KDM4C: variants seen among roughly 807,000 people sequenced by gnomAD.
KDM4C encodes lysine-specific demethylase 4C.
In KDM4C, 81 loss-of-function variants were observed where a neutral mutation model predicts 129.3. That is an observed-to-expected ratio of 0.63 (90% CI 0.52 to 0.75). The LOEUF is 0.75. Among genes scored for constraint, KDM4C ranks in the 30% least tolerant of loss-of-function variants. The probability of loss-of-function intolerance (pLI) is 0.00; values close to 1 mark genes in which losing one functional copy is unlikely to be tolerated. For missense variants in KDM4C, 1,457 were observed against 1,304.0 expected (o/e 1.12, Z -1.81); for synonymous variants, 573 against 456.1 (o/e 1.26, Z -3.26).
At chr9:6,791,952 G>A (rs930582410) in intron 1 of KDM4C, among the ~76,000 whole-genome samples, 1 of 152,306 alleles carries the variant, frequency 6.6e-6, no homozygotes, top group East Asian at 1.9e-4. Context: ...AACCCGGGAG[G>A]TCGAGGCTGT....
chr9:6,995,611 A>G (rs2131973233), intron 12 of KDM4C, among the ~76,000 whole-genome samples: 1 of 152,332 alleles, frequency 6.6e-6, no homozygotes, highest in Middle Eastern at 3.4e-3. Flanking sequence ...TACATTGGAA[A>G]TATTTTGAGG....
chr9:7,006,367 G>T (rs1246540378), intron 12 of KDM4C, among the ~76,000 whole-genome samples: 1 of 152,144 alleles, frequency 6.6e-6, no homozygotes, highest in Non-Finnish European at 1.5e-5. Flanking sequence ...GACTGTTGGG[G>T]AATCATTGCT....
chr9:6,912,998 TAACAAAA>T (rs141909936), intron 8 of KDM4C, among the ~76,000 whole-genome samples: 3,827 of 152,174 alleles, frequency 0.025, 139 homozygotes, highest in East Asian at 0.19. Flanking sequence ...TTGAGGAATT[TAACAAAA>T]AATAAAAAAT....
At chr9:6,817,555 C>T (rs1046066628) in intron 4 of KDM4C, among the ~76,000 whole-genome samples, 14 of 151,704 alleles carry the variant, frequency 9.2e-5, no homozygotes, top group Middle Eastern at 3.4e-3. Flanking sequence ...GTTTTAAATA[C>T]GTATATGTTT....
intron 8 of KDM4C, among the ~76,000 whole-genome samples, chr9:6,929,296 CTT>C (rs1032343607): frequency 6.6e-6 from 1 of 152,124 alleles, no homozygotes; most frequent in Non-Finnish European, 1.5e-5. Flanking sequence ...ATGAAAGAGA[CTT>C]GAAGTCATTT....
chr9:6,986,884 G>A (rs151303058), intron 11 of KDM4C: 137 of 450,484 alleles, frequency 3.0e-4, no homozygotes, highest in Middle Eastern at 1.7e-3. Context: ...ATGGCCACGT[G>A]TCGATGCTTG....
chr9:7,118,806 C>A (rs572752200), intron 18 of KDM4C, among the ~76,000 whole-genome samples: 1 of 152,052 alleles, frequency 6.6e-6, no homozygotes, highest in Non-Finnish European at 1.5e-5. Context: ...ATAGAGAACC[C>A]AGTTGGGGAT....
intron 19 of KDM4C, among the ~76,000 whole-genome samples, chr9:7,148,416 C>T (rs1164638755): frequency 6.6e-6 from 1 of 152,176 alleles, no homozygotes; most frequent in African/African-American, 2.4e-5. Flanking sequence ...CTGGCCTGGC[C>T]CCACAGCTCT....
chr9:6,741,966 T>C (rs1355074072), intron 1 of KDM4C, among the ~76,000 whole-genome samples: 1 of 151,878 alleles, frequency 6.6e-6, no homozygotes, highest in Non-Finnish European at 1.5e-5. Flanking sequence ...TAAAATGTTT[T>C]TATTTATTTA....
chr9:7,010,768 G>T (rs1001361459), intron 12 of KDM4C, among the ~76,000 whole-genome samples: 1 of 152,184 alleles, frequency 6.6e-6, no homozygotes, highest in Admixed American at 6.5e-5. Flanking sequence ...TTTAGACCAG[G>T]CTCAGTGGTT....
chr9:6,972,571 CTG>C (rs1486862924), intron 8 of KDM4C, among the ~76,000 whole-genome samples: 1 of 152,128 alleles, frequency 6.6e-6, no homozygotes, highest in Non-Finnish European at 1.5e-5. Flanking sequence ...TTTTAAAAGA[CTG>C]TTAAATATTT....
chr9:6,835,282 A>G (rs1835678618), intron 4 of KDM4C: 1 of 908,808 alleles, frequency 1.1e-6, no homozygotes, highest in Non-Finnish European at 1.9e-6. Flanking sequence ...CCATGAAACT[A>G]CCTTGAACTC....
chr9:7,114,561 T>C (rs886474347), intron 18 of KDM4C, among the ~76,000 whole-genome samples: 1 of 152,224 alleles, frequency 6.6e-6, no homozygotes, highest in Non-Finnish European at 1.5e-5. Context: ...GAGAAATATT[T>C]ACCTAAATTT....
At position 6,742,681 on chromosome 9, in the gene KDM4C, A is replaced by ATT. The variant is rs34282709; in HGVS notation, c.49+21696_49+21697dup. ...CTCCTTTATTTTGGTGGGGTGGGGA[A>ATT]TTTTTTTTTTTTTAGAAGGAGTCTC... On this transcript the variant is annotated intron_variant, in intron 1 of 17. Transcript: ENST00000536108. Among the ~76,000 whole-genome samples, 1,195 of 145,240 alleles carry ATT rather than the reference A, an allele frequency of 8.2e-3. 16 individuals are homozygous for ATT. The highest frequency in any genetic ancestry group is 0.027 in the African/African-American group (1,083 of 39,474).
intron 6 of KDM4C, among the ~76,000 whole-genome samples, chr9:6,882,367 C>T (rs955320194): frequency 6.6e-6 from 1 of 152,106 alleles, no homozygotes; most frequent in Non-Finnish European, 1.5e-5. Flanking sequence ...GTCTAAATCT[C>T]ACCTATTTTA....
At chr9:6,890,436 T>C (rs1319284710) in intron 7 of KDM4C, among the ~76,000 whole-genome samples, 2 of 152,214 alleles carry the variant, frequency 1.3e-5, no homozygotes, top group African/African-American at 4.8e-5. Context: ...ATACATTTTT[T>C]CCTTCTTTCA....
rs960367129 is a variant in KDM4C at position 7,054,722 on chromosome 9, C to G, written c.2424+5522C>G. On this transcript the variant is annotated intron_variant, in intron 17 of 21. Coordinates refer to ENST00000381309, the MANE Select transcript of KDM4C (RefSeq NM_015061.6). ...ATGAATGTTTATTGTATACATTGAT[C>G]ACTTCCTGCAGCTTAAATTAATTAA... Among the ~76,000 whole-genome samples, 3 of 152,152 alleles carry G rather than the reference C, an allele frequency of 2.0e-5. No individual in the cohort carries two copies. The South Asian group carries it at 6.2e-4, about 31-fold the overall frequency.
intron 17 of KDM4C, among the ~76,000 whole-genome samples, chr9:7,095,262 A>G (rs1312127096): frequency 4.6e-5 from 7 of 152,262 alleles, no homozygotes; most frequent in Admixed American, 4.6e-4. Flanking sequence ...GATTTGAGGA[A>G]CTATACACTA....
At chr9:6,773,038 C>T (rs1352125111) in intron 1 of KDM4C, among the ~76,000 whole-genome samples, 1 of 151,732 alleles carries the variant, frequency 6.6e-6, no homozygotes, top group Non-Finnish European at 1.5e-5. Context: ...CTCACTCTGT[C>T]ACTCAGGCTA....
Sources: gnomAD v4.1 joint callset for allele counts (sites outside exome capture counted in the v4.1 genomes callset) on GRCh38, gnomAD v4.1.1 for gene constraint, MANE v1.5 for transcripts, NCBI Gene and HGNC (gene_info 2026-07-23, HGNC 2026-07-21) for gene names.